The following SLC19A1 variants were observed in gnomAD, a reference collection of about 807,000 sequenced individuals.
SLC19A1 encodes the protein solute carrier family 19 member 1, also known as reduced folate transporter.
Under a neutral mutation model 35.3 loss-of-function variants are expected in SLC19A1, and 37 were observed. The ratio of observed to expected loss-of-function variants is 1.05; its 90% CI spans 0.81 to 1.38. The LOEUF is 1.38. SLC19A1 is among the 40% of genes most tolerant of loss of function. SLC19A1 has a pLI of 0.00. For synonymous variants in SLC19A1, 460 were observed against 398.5 expected (o/e 1.15, Z -1.84); for missense variants, 831 against 826.9 (o/e 1.00, Z -0.06).
chr21:45,545,275 G>A (rs1300049602), upstream of SLC19A1, among the ~76,000 whole-genome samples: 3 of 152,124 alleles, frequency 2.0e-5, no homozygotes, highest in South Asian at 4.1e-4. Flanking sequence ...TCATGAGGAC[G>A]GATCCCTCAT....
upstream of SLC19A1, chr21:45,542,541 G>C (rs1425043606): frequency 1.3e-5 from 2 of 150,948 alleles, no homozygotes; most frequent in African/African-American, 2.4e-5. Flanking sequence ...CGGGCGCTGC[G>C]GCAGGAGCGT....
In SLC19A1 at chr21:45,532,654, C is replaced by G. The variant is rs141155221; in HGVS notation, c.190-506G>C. On this transcript the variant is annotated intron_variant, in intron 2 of 5. Coordinates refer to ENST00000311124, the MANE Select transcript of SLC19A1 (RefSeq NM_194255.4). ...TTCACCATGTTGGGCAGGCTGGTCT[C>G]GAACTCCTGACCTCAGGTGATCTGC... is the stretch of plus-strand genomic sequence containing the variant. Among the ~76,000 whole-genome samples, 46 of 152,108 alleles carry G rather than the reference C, an allele frequency of 3.0e-4. 2 individuals carry two copies. Among genetic ancestry groups the G allele is most frequent in the Non-Finnish European group, 1.5e-5 (1 of 68,036 alleles).
Position 45,515,470 on chromosome 21 carries a change from A to G in SLC19A1, c.*188T>C. ...CAGTGCAGGGACAGCATGGCCAGGC[A>G]GCTGCCCTGAGTGTCGCCAGCACGC... is the stretch of plus-strand genomic sequence containing the variant. On this transcript the variant is annotated 3_prime_UTR_variant, in exon 6 of 6. Transcript: ENST00000311124. 2 of 1,490,792 alleles carry G rather than the reference A, an allele frequency of 1.3e-6. No individual in the cohort carries two copies. Among genetic ancestry groups the G allele is most frequent in the Non-Finnish European group, 1.8e-6 (2 of 1,132,346 alleles). 92.3% of individuals were successfully genotyped at this position (1,490,792 alleles called of 1,614,324 possible).
chr21:45,535,051 C>G lies in SLC19A1; in HGVS notation c.189+2720G>C, dbSNP rs796402829. Among the ~76,000 whole-genome samples the G allele has an allele frequency of 1.7e-4, 26 of 152,382 alleles. 1 individual carries two copies. Among genetic ancestry groups the G allele is most frequent in the African/African-American group, 6.3e-4 (26 of 41,592 alleles). On this transcript the variant is annotated intron_variant, in intron 2 of 5. Coordinates refer to ENST00000311124, the MANE Select transcript of SLC19A1 (RefSeq NM_194255.4). ...CCCGAAGGCAGGCAGGACGCGAGGGCAGGGCCAGGCGTGGGGCAGCAGGAC... is the reference window on the plus strand; with the variant it reads ...CCCGAAGGCAGGCAGGACGCGAGGGGAGGGCCAGGCGTGGGGCAGCAGGAC...
intron 2 of SLC19A1, among the ~76,000 whole-genome samples, chr21:45,535,289 G>A (rs988074167): frequency 6.6e-6 from 1 of 152,222 alleles, no homozygotes; most frequent in Non-Finnish European, 1.5e-5. Context: ...CGGGGAAAGC[G>A]CTCTCAGCTG....
Position 45,534,325 on chromosome 21 carries a change from G to A in SLC19A1, c.190-2177C>T, listed in dbSNP as rs1168611403. On this transcript the variant is annotated intron_variant, in intron 2 of 5. Coordinates refer to ENST00000311124, the MANE Select transcript of SLC19A1 (RefSeq NM_194255.4). The surrounding 1 kb of genome is among the most constrained non-coding windows in gnomAD (Gnocchi z 4.2). ...ACCCCTGCAGATTCCGAAAGAAGCG[G>A]CTCAGAGGCAGGGGTCCTCCTAGGA... is the stretch of plus-strand genomic sequence containing the variant. Among the ~76,000 whole-genome samples the A allele has an allele frequency of 6.6e-6, 1 of 152,128 alleles. No homozygotes were observed. The highest frequency in any genetic ancestry group is 1.5e-5 in the Non-Finnish European group (1 of 68,004).
chr21:45,552,889 C>T (rs1314959394), intron 1 of SLC19A1, among the ~76,000 whole-genome samples: 2 of 152,058 alleles, frequency 1.3e-5, no homozygotes, highest in Non-Finnish European at 2.9e-5. Context: ...CTATAATCCA[C>T]GGTCACCAGC....
Position 45,515,645 on chromosome 21 carries a change from G to C in SLC19A1, c.*13C>G. ...AGGGCCGCCTGCAAAGTTACCACAG[G>C]GGCGCCCGAGAGTCACTGGTTCACA... On this transcript the variant is annotated 3_prime_UTR_variant, in exon 6 of 6. Coordinates refer to ENST00000311124, the MANE Select transcript of SLC19A1 (RefSeq NM_194255.4). 2 of 1,612,988 alleles carry C rather than the reference G, an allele frequency of 1.2e-6. No homozygotes were observed. The highest frequency in any genetic ancestry group is 2.2e-5 in the South Asian group (2 of 91,012).
chr21:45,525,261 G>A (rs977846638), intron 5 of SLC19A1, among the ~76,000 whole-genome samples: 6 of 152,210 alleles, frequency 3.9e-5, no homozygotes, highest in African/African-American at 1.4e-4. Context: ...GAGGAGCCTG[G>A]AAGGACCTCT....
At chr21:45,556,141 A>G (rs921331561) in intron 1 of SLC19A1, among the ~76,000 whole-genome samples, 2 of 152,310 alleles carry the variant, frequency 1.3e-5, no homozygotes, top group Non-Finnish European at 2.9e-5. Context: ...CCTGGCCACA[A>G]GGACGCTCCC....
At chr21:45,527,297 G>A (rs868357056) in intron 4 of SLC19A1, among the ~76,000 whole-genome samples, 8 of 150,530 alleles carry the variant, frequency 5.3e-5, no homozygotes, top group South Asian at 2.1e-4. Context: ...GGGTATGCCC[G>A]GGCAGGCCCT....
chr21:45,545,512 G>A (rs1363018655), upstream of SLC19A1, among the ~76,000 whole-genome samples: 3 of 151,888 alleles, frequency 2.0e-5, no homozygotes, highest in Non-Finnish European at 2.9e-5. Context: ...CTGCAGAACC[G>A]TGAGCCAATT....
rs940067576 is a variant in SLC19A1 at position 45,530,423 on chromosome 21, G to T, written c.1151+347C>A. Among the ~76,000 whole-genome samples the T allele has an allele frequency of 1.3e-5, 2 of 152,126 alleles. No individual in the cohort carries two copies. Among genetic ancestry groups the T allele is most frequent in the Non-Finnish European group, 2.9e-5 (2 of 68,010 alleles). ...TGTGGTGTGAGTGCCTGGTGTGAGT[G>T]TAAGCTGAGGATGAACTCACACAGG... On this transcript the variant is annotated intron_variant, in intron 4 of 5. Coordinates refer to ENST00000311124, the MANE Select transcript of SLC19A1 (RefSeq NM_194255.4). The surrounding 1 kb of genome is among the most constrained non-coding windows in gnomAD (Gnocchi z 5.3).
chr21:45,561,107 T>G (rs1270010519), intron 1 of SLC19A1, among the ~76,000 whole-genome samples: 1 of 152,188 alleles, frequency 6.6e-6, no homozygotes, highest in Admixed American at 6.5e-5. Context: ...TGCCGTGCAC[T>G]TGGAGAGAGC....
intron 1 of SLC19A1, among the ~76,000 whole-genome samples, chr21:45,552,838 C>T (rs2078480209): frequency 6.6e-6 from 1 of 151,352 alleles, no homozygotes; most frequent in Admixed American, 6.6e-5. Context: ...TGCGTTTGTG[C>T]TGATAGGAGG....
chr21:45,530,913 C>T lies in SLC19A1; in HGVS notation c.1008G>A (p.Lys336=), dbSNP rs2077859482. The change falls in exon 4 of 6, where the codon AAG becomes AAA. Residue 336 remains lysine (K), a synonymous_variant. Transcript: ENST00000311124. The surrounding 1 kb of genome is among the most constrained non-coding windows in gnomAD (Gnocchi z 5.3). ...TGGCCGTGACGCCCGCGATGAGCAGCTTGGACCAGCGCGCCCAGCGGATCT... is the reference window on the plus strand; with the variant it reads ...TGGCCGTGACGCCCGCGATGAGCAGTTTGGACCAGCGCGCCCAGCGGATCT... ...FVKIRWARWS[K]LLIAGVTATQ... is the part of the protein sequence containing the mutation. 1 of 1,468,526 alleles carries T rather than the reference C, an allele frequency of 6.8e-7. No homozygotes were observed. The allele number at this position is 1,468,526 out of a possible 1,614,324, so 91.0% of individuals were successfully genotyped here.
Position 45,504,460 on chromosome 21 carries a change from G to A in SLC19A1, c.498-5848C>T, listed in dbSNP as rs556346113. The A allele has an allele frequency of 4.8e-5, 77 of 1,610,664 alleles. No individual in the cohort carries two copies. The South Asian group carries it at 5.2e-4, about 11-fold the overall frequency. On this transcript the variant is annotated intron_variant, in intron 3 of 4. Transcript: ENST00000417954. ...GTGATGCAGGACAGAAAGGCGAAAGGGGGGAGCCCGGGGGCGGCGGTTTCT... is the reference window on the plus strand; with the variant it reads ...GTGATGCAGGACAGAAAGGCGAAAGAGGGGAGCCCGGGGGCGGCGGTTTCT...
intron 3 of SLC19A1, chr21:45,504,344 C>A (rs1022888957): frequency 2.3e-5 from 35 of 1,499,450 alleles, no homozygotes; most frequent in Non-Finnish European, 3.0e-5. Flanking sequence ...AGCCCTGGCT[C>A]GGGGGGATGG....
intron 3 of SLC19A1, chr21:45,505,435 A>C: frequency 1.3e-6 from 2 of 1,522,318 alleles, no homozygotes; most frequent in Non-Finnish European, 1.8e-6. Flanking sequence ...CTCAGGGGTA[A>C]GTGTCTGGGC....
Sources: gnomAD v4.1 joint callset for allele counts (sites outside exome capture counted in the v4.1 genomes callset) on GRCh38, gnomAD v4.1.1 for gene constraint, Gnocchi (gnomAD v3.1) non-coding constraint, MANE v1.5 for transcripts, NCBI Gene and HGNC (gene_info 2026-07-23, HGNC 2026-07-21) for gene names.